The following ZBBX variants were observed in gnomAD, a reference collection of about 807,000 sequenced individuals.
The protein encoded by ZBBX is zinc finger B-box domain containing.
ZBBX carries 101 observed loss-of-function variants against 108.5 expected under a neutral mutation model. The observed-to-expected ratio is 0.93, with a 90% CI of 0.79 to 1.10. ZBBX has a LOEUF of 1.10. ZBBX is among the 50% of genes least tolerant of loss of function. ZBBX has a pLI of 0.00. For missense variants in ZBBX, 1,009 were observed against 941.4 expected, an observed-to-expected ratio of 1.07 and a Z score of -0.94; for synonymous variants, 356 against 323.4, an observed-to-expected ratio of 1.10 and a Z score of -1.08.
intron 1 of ZBBX, among the ~76,000 whole-genome samples, chr3:167,389,739 G>A (rs949344120): frequency 2.0e-5 from 3 of 152,046 alleles, no homozygotes; most frequent in African/African-American, 7.2e-5. Context: ...GTGATGATGA[G>A]CTTATTTTCA....
At chr3:167,250,162 C>T (rs1335191750) in intron 20 of ZBBX, among the ~76,000 whole-genome samples, 1 of 152,030 alleles carries the variant, frequency 6.6e-6, no homozygotes, top group Non-Finnish European at 1.5e-5. Context: ...GCCCTGGGAC[C>T]AGATAGTACA....
At chr3:167,184,957 A>G in the ZBBX span, among the ~76,000 whole-genome samples, 997 of 152,304 alleles carry the variant, frequency 6.5e-3, 9 homozygotes, top group Non-Finnish European at 8.6e-3. Flanking sequence ...AAAATGTTAC[A>G]ATTAGGGGAC....
intron 20 of ZBBX, among the ~76,000 whole-genome samples, chr3:167,279,634 G>C (rs1181905537): frequency 6.6e-6 from 1 of 151,846 alleles, no homozygotes; most frequent in East Asian, 1.9e-4. Context: ...CATGCTCATG[G>C]GTAGGAAGAA....
At chr3:167,203,311 C>A in the ZBBX span, among the ~76,000 whole-genome samples, 2 of 152,084 alleles carry the variant, frequency 1.3e-5, no homozygotes. Flanking sequence ...GATAGGGCCC[C>A]ACCCTAACAT....
chr3:167,321,935 T>C (rs1019335173), intron 12 of ZBBX, among the ~76,000 whole-genome samples, 182 bp downstream of exon 12: 4 of 152,146 alleles, frequency 2.6e-5, no homozygotes, highest in African/African-American at 9.6e-5. Context: ...ATGCATCATA[T>C]ACATAAATAG....
chr3:167,276,453 G>A (rs1727594511), intron 20 of ZBBX, among the ~76,000 whole-genome samples: 1 of 152,196 alleles, frequency 6.6e-6, no homozygotes, highest in South Asian at 2.1e-4. Context: ...GAATGCAGAA[G>A]CCTCAGGAGC....
chr3:167,328,169 CA>C (rs1737754966), intron 10 of ZBBX, 53 bp from the exon 11 acceptor site: 2 of 1,519,172 alleles, frequency 1.3e-6, no homozygotes, highest in African/African-American at 1.4e-5. Flanking sequence ...TATTTACCCA[CA>C]AAAATTGTTT....
chr3:167,222,844 C>T, the ZBBX span, among the ~76,000 whole-genome samples: 9 of 134,444 alleles, frequency 6.7e-5, no homozygotes, highest in Non-Finnish European at 1.3e-4. Flanking sequence ...CGGGTACCAA[C>T]ATATAGTTAG....
At chr3:167,292,769 A>G (rs1478352188) in intron 18 of ZBBX, among the ~76,000 whole-genome samples, 1 of 152,028 alleles carries the variant, frequency 6.6e-6, no homozygotes, top group Non-Finnish European at 1.5e-5. Context: ...GGAGCTGTTT[A>G]TTTGAAAAGA....
At chr3:167,347,379 T>C (rs749737943) in intron 9 of ZBBX, among the ~76,000 whole-genome samples, 40 of 151,874 alleles carry the variant, frequency 2.6e-4, no homozygotes, top group Non-Finnish European at 5.6e-4. Flanking sequence ...CACCTATGTA[T>C]AAAAAATGGA....
In ZBBX at chr3:167,277,308, T is replaced by A. The variant is rs147814293; in HGVS notation, c.2254+4930A>T. Among the ~76,000 whole-genome samples the A allele has an allele frequency of 2.2e-3, 341 of 152,234 alleles. 2 individuals carry two copies. The highest frequency in any genetic ancestry group is 7.7e-3 in the African/African-American group (319 of 41,530). The stretch of plus-strand genomic sequence containing the variant: ...AAAAGACACACACAGACTGGCAAAT[T>A]GGATCAAGAGTCAAAACCCATCAGT... On this transcript the variant is annotated intron_variant, in intron 20 of 21. Coordinates refer to ENST00000675490, the MANE Select transcript of ZBBX (RefSeq NM_001199201.2).
the ZBBX span, among the ~76,000 whole-genome samples, chr3:167,211,887 G>A: frequency 6.6e-6 from 1 of 151,736 alleles, no homozygotes; most frequent in East Asian, 2.0e-4. Flanking sequence ...TTGTATGGGT[G>A]AGTTAGCCAT....
chr3:167,400,997 T>A (rs1337584074), intron 1 of ZBBX, among the ~76,000 whole-genome samples: 3 of 152,174 alleles, frequency 2.0e-5, no homozygotes, highest in African/African-American at 2.4e-5. Flanking sequence ...TTTAGCTTAG[T>A]GATTTTGGGA....
At chr3:167,189,407 C>A in the ZBBX span, among the ~76,000 whole-genome samples, 1 of 152,128 alleles carries the variant, frequency 6.6e-6, no homozygotes, top group Non-Finnish European at 1.5e-5. Context: ...AAGCCCAGAA[C>A]AAGTGTGTGG....
chr3:167,360,028 A>C, intron 7 of ZBBX, 49 bp from the exon 8 acceptor site: 1 of 1,108,930 alleles, frequency 9.0e-7, no homozygotes, highest in Non-Finnish European at 1.3e-6. Flanking sequence ...AATATGTTAA[A>C]TTTTCCAATT....
At chr3:167,256,716 C>T (rs910649808) in intron 20 of ZBBX, among the ~76,000 whole-genome samples, 14 of 148,756 alleles carry the variant, frequency 9.4e-5, no homozygotes, top group African/African-American at 2.5e-4. Context: ...TAAGCAAGAA[C>T]GTGCTATAAT....
chr3:167,191,926 T>TAGAGAGAGAGAGAGAGAG, the ZBBX span, among the ~76,000 whole-genome samples: 5 of 127,414 alleles, frequency 3.9e-5, no homozygotes, highest in African/African-American at 1.6e-4. Flanking sequence ...TATATATATA[T>TAGAGAGAGAGAGAGAGAG]ATATATATAG....
chr3:167,253,420 G>T (rs1722953195), intron 20 of ZBBX, among the ~76,000 whole-genome samples: 1 of 152,094 alleles, frequency 6.6e-6, no homozygotes, highest in Non-Finnish European at 1.5e-5. Flanking sequence ...TCTTAACAGA[G>T]ACAAGAAAAT....
chr3:167,386,023 G>C lies in ZBBX; in HGVS notation c.-445-5618C>G, dbSNP rs145440627. The stretch of plus-strand genomic sequence containing the variant: ...CAACCTACCCTTGTAATGGTTTATT[G>C]AACAGGAGTCCAAACTGAACCAGTC... On this transcript the variant is annotated intron_variant, in intron 1 of 21. Transcript: ENST00000455345. Among the ~76,000 whole-genome samples the C allele has an allele frequency of 3.6e-4, 54 of 152,096 alleles. 1 individual carries two copies. The East Asian group carries it at 9.5e-3, about 27-fold the overall frequency.
Sources: gnomAD v4.1 joint callset for allele counts (sites outside exome capture counted in the v4.1 genomes callset) on GRCh38, gnomAD v4.1.1 for gene constraint, MANE v1.5 for transcripts, NCBI Gene and HGNC (gene_info 2026-07-23, HGNC 2026-07-21) for gene names.